IMPG2: variants seen among roughly 807,000 people sequenced by gnomAD.
The protein encoded by IMPG2 is interphotoreceptor matrix proteoglycan 2, also known as IPM 200.
In IMPG2, 91 loss-of-function variants were observed where a neutral mutation model predicts 129.2. The ratio of observed to expected loss-of-function variants is 0.70; its 90% confidence interval spans 0.59 to 0.84. The LOEUF is 0.84. Among genes scored for constraint, IMPG2 ranks in the 40% least tolerant of loss-of-function variants. The pLI is 0.00. For synonymous variants in IMPG2, 510 were observed against 517.7 expected (o/e 0.99, Z 0.20); for missense variants, 1,430 against 1,461.7 (o/e 0.98, Z 0.35).
At chr3:101,306,428 ATTATTG>A (rs1354914527) in intron 2 of IMPG2, among the ~76,000 whole-genome samples, 2 of 152,188 alleles carry the variant, frequency 1.3e-5, no homozygotes, top group Non-Finnish European at 2.9e-5. Flanking sequence ...CTGTATCCTT[ATTATTG>A]TTATTAAGAA....
chr3:101,228,671 A>AT (rs1177690271), intron 18 of IMPG2, 126 bp downstream of exon 18: 1 of 759,436 alleles, frequency 1.3e-6, no homozygotes, highest in Admixed American at 2.0e-5. Context: ...AACTCAACAA[A>AT]TGTTGGTTAT....
intron 4 of IMPG2, among the ~76,000 whole-genome samples, chr3:101,281,082 A>G (rs1308355624): frequency 6.6e-6 from 1 of 152,242 alleles, no homozygotes; most frequent in East Asian, 1.9e-4. Context: ...GAATATCACC[A>G]GAGACCTGAT....
At position 101,319,588 on chromosome 3, in the gene IMPG2, G is replaced by A; in HGVS notation, c.330C>T (p.Val110=). ...AVANHVKYFK[V]RVCQEAVWEA... ...AGGATTTGGATGTTCGCTTACCTCG[G>A]ACTTTAAAATACTTCACATGATTTG... Residue 110 remains valine, a synonymous_variant, in exon 2 of 19, where the codon GTC becomes GTT. Coordinates refer to ENST00000193391, the MANE Select transcript of IMPG2 (RefSeq NM_016247.4). 6.2e-7 allele frequency: 1 copy of A among 1,613,368 alleles called. No homozygotes were observed. Among genetic ancestry groups the A allele is most frequent in the Non-Finnish European group, 8.5e-7 (1 of 1,179,694 alleles).
intron 4 of IMPG2, among the ~76,000 whole-genome samples, chr3:101,280,013 G>A (rs1706876552): frequency 6.6e-6 from 1 of 152,204 alleles, no homozygotes; most frequent in Non-Finnish European, 1.5e-5. Context: ...GAACACAGAG[G>A]TGTATTGAGC....
intron 2 of IMPG2, among the ~76,000 whole-genome samples, chr3:101,313,428 T>A (rs1056059027): frequency 6.6e-6 from 1 of 152,120 alleles, no homozygotes; most frequent in African/African-American, 2.4e-5. Flanking sequence ...AGAATTCCCA[T>A]CCTTGTCAAA....
intron 10 of IMPG2, among the ~76,000 whole-genome samples, chr3:101,256,042 G>A (rs1303229825): frequency 6.7e-6 from 1 of 149,054 alleles, no homozygotes; most frequent in African/African-American, 2.5e-5. Context: ...TAAAGTTTTA[G>A]TCTGGCCTCT....
At chr3:101,239,488 A>C (rs1706382833) in intron 14 of IMPG2, among the ~76,000 whole-genome samples, 1 of 152,206 alleles carries the variant, frequency 6.6e-6, no homozygotes, top group African/African-American at 2.4e-5. Flanking sequence ...TGTTGGTGGG[A>C]GTGTAAATTA....
In IMPG2 at chr3:101,320,491, G is replaced by C; in HGVS notation, c.-119C>G. The C allele has an allele frequency of 1.4e-6, 1 of 697,596 alleles. No homozygotes were observed. Among genetic ancestry groups the C allele is most frequent in the Non-Finnish European group, 2.6e-6 (1 of 387,538 alleles). 43.2% of individuals were successfully genotyped at this position (697,596 alleles called of 1,614,324 possible). The stretch of plus-strand genomic sequence containing the variant: ...ACCTAACATTTAAAAGTCTATGTTT[G>C]AGAATGAACAACCACTTCAAAACCA... On this transcript the variant is annotated 5_prime_UTR_variant, in exon 1 of 19. Coordinates refer to ENST00000193391, the MANE Select transcript of IMPG2 (RefSeq NM_016247.4).
intron 10 of IMPG2, among the ~76,000 whole-genome samples, chr3:101,256,185 GA>G (rs1234265903): frequency 2.1e-5 from 3 of 145,548 alleles, no homozygotes; most frequent in African/African-American, 7.7e-5. Context: ...AAGAAAGAAA[GA>G]AAGAAAGAAA....
chr3:101,251,541 A>G (rs1003939196), intron 11 of IMPG2, among the ~76,000 whole-genome samples: 9 of 152,144 alleles, frequency 5.9e-5, no homozygotes, highest in Non-Finnish European at 1.0e-4. Flanking sequence ...TTTTAGTTCA[A>G]TGTAGTATAT....
intron 9 of IMPG2, among the ~76,000 whole-genome samples, chr3:101,267,038 T>C (rs1051727997): frequency 2.0e-5 from 3 of 152,178 alleles, no homozygotes; most frequent in Non-Finnish European, 4.4e-5. Flanking sequence ...GCAACACGCA[T>C]GGACTGGAGG....
At chr3:101,228,189 T>C (rs148141321) in intron 18 of IMPG2, among the ~76,000 whole-genome samples, 99 of 152,298 alleles carry the variant, frequency 6.5e-4, no homozygotes, top group African/African-American at 2.2e-3. Context: ...AGTACAGACA[T>C]TTGCCCAAAA....
Position 101,304,326 on chromosome 3 carries a change from AGG to A in IMPG2, c.335-16_335-15del, listed in dbSNP as rs756480190. 310 of 1,613,116 alleles carry A rather than the reference AGG, an allele frequency of 1.9e-4. No homozygotes were observed. The highest frequency in any genetic ancestry group is 2.4e-4 in the Non-Finnish European group (285 of 1,179,266). ...CTTCCTGACACACTAGAAAATAGAGAGGTGTTTTTTTACAAAAAGCTAACATG... is the reference window on the plus strand; with the variant it reads ...CTTCCTGACACACTAGAAAATAGAGATGTTTTTTTACAAAAAGCTAACATG... On this transcript the variant is annotated splice_polypyrimidine_tract_variant and intron_variant, in intron 2 of 18. Coordinates refer to ENST00000193391, the MANE Select transcript of IMPG2 (RefSeq NM_016247.4).
At chr3:101,240,189 C>T (rs542423035) in intron 14 of IMPG2, among the ~76,000 whole-genome samples, 3 of 152,012 alleles carry the variant, frequency 2.0e-5, no homozygotes, top group South Asian at 4.2e-4. Flanking sequence ...GTGATCATAG[C>T]GCATTGTAAT....
At chr3:101,230,899 T>G in intron 16 of IMPG2, 58 bp downstream of exon 16, 1 of 1,507,388 alleles carries the variant, frequency 6.6e-7, no homozygotes, top group Non-Finnish European at 9.2e-7. Context: ...TGGTAAGTAC[T>G]AAATAAATGT....
At chr3:101,228,390 T>C (rs1397908459) in intron 18 of IMPG2, among the ~76,000 whole-genome samples, 1 of 152,194 alleles carries the variant, frequency 6.6e-6, no homozygotes, top group Non-Finnish European at 1.5e-5. Context: ...ATGAAAAATA[T>C]TTTATGGCAT....
intron 7 of IMPG2, among the ~76,000 whole-genome samples, chr3:101,270,467 A>C (rs915410661): frequency 6.6e-6 from 1 of 152,142 alleles, no homozygotes; most frequent in African/African-American, 2.4e-5. Flanking sequence ...TTTATTACTG[A>C]GTCTTTAAAA....
At position 101,242,773 on chromosome 3, in the gene IMPG2, C is replaced by A; in HGVS notation, c.2937G>T (p.Val979=). Residue 979 remains valine, a synonymous_variant, in exon 14 of 19, where the codon GTG becomes GTT. Coordinates refer to ENST00000193391, the MANE Select transcript of IMPG2 (RefSeq NM_016247.4). ...TACAAAAGTCTTCCAGAATCATGTA[C>A]ACCGCATTGTTGACGTTAGGAGGGA... is the stretch of plus-strand genomic sequence containing the variant. The part of the protein sequence containing the change: ...NSVPPNVNNA[V]YMILEDFCTT... 6.2e-7 allele frequency: 1 copy of A among 1,614,006 alleles called. No homozygotes were observed. Among genetic ancestry groups the A allele is most frequent in the Non-Finnish European group, 8.5e-7 (1 of 1,179,912 alleles).
rs1337835317 is a variant in IMPG2 at position 101,253,865 on chromosome 3, T to C, written c.1154-84A>G. 28 of 908,218 alleles carry C rather than the reference T, an allele frequency of 3.1e-5. No individual in the cohort carries two copies. The South Asian group carries it at 3.2e-4, about 11-fold the overall frequency. 56.3% of individuals were successfully genotyped at this position (908,218 alleles called of 1,614,324 possible). On this transcript the variant is annotated intron_variant, in intron 10 of 18. Transcript: ENST00000193391. ...GCAGGGACAACTGAAAGTCAAGTTC[T>C]TTCTCTTCATTGTTTAGATTTTGGC...
Sources: gnomAD v4.1 joint callset for allele counts (sites outside exome capture counted in the v4.1 genomes callset) on GRCh38, gnomAD v4.1.1 for gene constraint, MANE v1.5 for transcripts, NCBI Gene and HGNC (gene_info 2026-07-23, HGNC 2026-07-21) for gene names.